The following DNAH14 variants were observed in gnomAD, a reference collection of about 807,000 sequenced individuals.
The protein encoded by DNAH14 is dynein axonemal heavy chain 14, also known as axonemal beta dynein heavy chain 14.
Under a neutral mutation model 520.9 loss-of-function variants are expected in DNAH14, and 478 were observed. That is an observed-to-expected ratio of 0.92 (90% CI 0.85 to 0.99). The LOEUF is 0.99. Ranked by LOEUF, DNAH14 falls within the 50% of genes least tolerant of loss-of-function variation. The probability of loss-of-function intolerance (pLI) is 0.00; values close to 1 mark genes in which losing one functional copy is unlikely to be tolerated. For synonymous variants in DNAH14, 1,581 were observed against 1,757.2 expected, an observed-to-expected ratio of 0.90 and a Z score of 2.51; for missense variants, 4,831 against 5,234.5, an observed-to-expected ratio of 0.92 and a Z score of 2.38.
Position 225,274,194 on chromosome 1 carries a change from G to GT in DNAH14, c.8010+1071dup, listed in dbSNP as rs1193834939. On this transcript the variant is annotated intron_variant, in intron 52 of 85. Coordinates refer to ENST00000682510, the MANE Select transcript of DNAH14 (RefSeq NM_001367479.1). ...TTTCTCTGCATCCTCACCAGCATCTGTTATTTTTTTTTTTTTTTTTTTTTT... is the reference window on the plus strand; with the variant it reads ...TTTCTCTGCATCCTCACCAGCATCTGTTTATTTTTTTTTTTTTTTTTTTTTT... Among the ~76,000 whole-genome samples, 313 of 120,268 alleles carry GT rather than the reference G, an allele frequency of 2.6e-3. 25 individuals are homozygous for GT. The highest frequency in any genetic ancestry group is 9.1e-3 in the African/African-American group (267 of 29,402). 78.9% of individuals were successfully genotyped at this position (120,268 alleles called of 152,430 possible).
At chr1:224,998,906 C>G (rs2489323) in intron 8 of DNAH14, among the ~76,000 whole-genome samples, 13,967 of 151,880 alleles carry the variant, frequency 0.092, 2,072 homozygotes, top group African/African-American at 0.31. Context: ...TTCAGTTCAG[C>G]TTTTGTTTGA....
chr1:225,101,117 G>T (rs1012102235), intron 23 of DNAH14, among the ~76,000 whole-genome samples: 2 of 151,264 alleles, frequency 1.3e-5, no homozygotes, highest in African/African-American at 4.8e-5. Context: ...GAGTGCCCAG[G>T]TTCCCTTACC....
chr1:225,230,384 T>C (rs1221237143), intron 41 of DNAH14, among the ~76,000 whole-genome samples: 3 of 152,164 alleles, frequency 2.0e-5, no homozygotes, highest in Non-Finnish European at 4.4e-5. Context: ...TATATCTTTA[T>C]ATAAAAACCC....
chr1:225,213,847 C>T (rs976686087), intron 41 of DNAH14, among the ~76,000 whole-genome samples: 1 of 152,162 alleles, frequency 6.6e-6, no homozygotes, highest in Non-Finnish European at 1.5e-5. Context: ...CTCATGTCAT[C>T]TGCAAACAGG....
At chr1:225,370,734 TATTAGCTGGAGTA>T (rs2095609330) in intron 77 of DNAH14, among the ~76,000 whole-genome samples, 1 of 152,070 alleles carries the variant, frequency 6.6e-6, no homozygotes, top group Non-Finnish European at 1.5e-5. Context: ...AGGAATTCTT[TATTAGCTGGAGTA>T]ATAATACAAA....
intron 9 of DNAH14, among the ~76,000 whole-genome samples, chr1:225,004,135 G>T: frequency 6.6e-6 from 1 of 152,164 alleles, no homozygotes; most frequent in Non-Finnish European, 1.5e-5. Flanking sequence ...TATTATATGC[G>T]AAATGCTGTG....
At chr1:225,147,668 A>G (rs1002776698) in intron 31 of DNAH14, among the ~76,000 whole-genome samples, 1 of 152,198 alleles carries the variant, frequency 6.6e-6, no homozygotes, top group African/African-American at 2.4e-5. Context: ...TCAGGGGCAC[A>G]TGTGCAGATT....
At chr1:225,396,106 G>A (rs1206905782) in intron 84 of DNAH14, 4 of 152,220 alleles carry the variant, frequency 2.6e-5, no homozygotes, top group Non-Finnish European at 4.4e-5. Context: ...TGATGGTGGC[G>A]TGTCCTTTTA....
intron 46 of DNAH14, among the ~76,000 whole-genome samples, chr1:225,261,827 A>G (rs2092946176): frequency 6.6e-6 from 1 of 152,044 alleles, no homozygotes; most frequent in Admixed American, 6.5e-5. Context: ...ATGATTGGCC[A>G]TTCCTATTTT....
chr1:225,030,219 AAC>A (rs1231679896), intron 11 of DNAH14, among the ~76,000 whole-genome samples: 2 of 151,908 alleles, frequency 1.3e-5, no homozygotes, highest in African/African-American at 4.8e-5. Flanking sequence ...TGAAAATGAA[AAC>A]ACAACATAAC....
rs1340598043 is a variant in DNAH14, at chr1:225,333,305, A to T, written c.9879A>T (p.Glu3293Asp). ...VLEDEKTRWQ[E>D]TINQIDNKLE... ...TTAACATTTAGACTCGATGGCAAGAAACAATCAATCAAATAGATAACAAAT... is the reference window on the plus strand; with the variant it reads ...TTAACATTTAGACTCGATGGCAAGATACAATCAATCAAATAGATAACAAAT... The change falls in exon 66 of 86, where the codon GAA becomes GAT. Residue 3293 changes from glutamate to aspartate, a missense_variant. Transcript: ENST00000682510. 6.4e-7 allele frequency: 1 copy of T among 1,551,148 alleles called. No individual in the cohort carries two copies.
chr1:224,939,075 G>C (rs921738327), intron 1 of DNAH14, among the ~76,000 whole-genome samples: 2 of 152,060 alleles, frequency 1.3e-5, no homozygotes, highest in African/African-American at 4.8e-5. Context: ...TATTACCACT[G>C]AACTATACAT....
intron 49 of DNAH14, among the ~76,000 whole-genome samples, chr1:225,269,647 A>G (rs1298460649): frequency 6.6e-6 from 1 of 152,138 alleles, no homozygotes; most frequent in Non-Finnish European, 1.5e-5. Flanking sequence ...AAATCAAACA[A>G]CTCCATCAAA....
At chr1:225,320,854 A>G (rs778853056) in intron 61 of DNAH14, among the ~76,000 whole-genome samples, 2 of 152,246 alleles carry the variant, frequency 1.3e-5, no homozygotes, top group Non-Finnish European at 2.9e-5. Context: ...ATTCCTGGAA[A>G]GTGGCACAGA....
intron 77 of DNAH14, among the ~76,000 whole-genome samples, chr1:225,374,265 TATA>T (rs1291781629): frequency 0.023 from 2,017 of 87,274 alleles, 82 homozygotes; most frequent in East Asian, 0.037. Flanking sequence ...TATATATATA[TATA>T]TATTTTTTTT....
chr1:225,079,672 C>CTTTTTTTTTTTTTTTT (rs58242386), intron 18 of DNAH14, 124 bp downstream of exon 18: 2 of 305,384 alleles, frequency 6.5e-6, no homozygotes, highest in African/African-American at 3.0e-5. Context: ...TACAAGTATT[C>CTTTTTTTTTTTTTTTT]TTTTTTTTTT....
intron 8 of DNAH14, among the ~76,000 whole-genome samples, chr1:224,978,289 A>G (rs1389352532): frequency 6.6e-6 from 1 of 152,226 alleles, no homozygotes; most frequent in African/African-American, 2.4e-5. Context: ...AATGAAGACA[A>G]TGTATATATA....
intron 8 of DNAH14, among the ~76,000 whole-genome samples, chr1:224,992,482 T>C (rs1252098541): frequency 2.6e-5 from 4 of 152,030 alleles, no homozygotes; most frequent in African/African-American, 9.7e-5. Context: ...TGTGTGGCTA[T>C]TTAAATGCAG....
chr1:225,176,436 G>A (rs1354862518), intron 36 of DNAH14, among the ~76,000 whole-genome samples: 1 of 152,036 alleles, frequency 6.6e-6, no homozygotes, highest in Admixed American at 6.6e-5. Flanking sequence ...ATCTGTTGGG[G>A]GAAATATTCT....
Sources: allele counts gnomAD v4.1 joint callset (sites outside exome capture counted in the v4.1 genomes callset), GRCh38; gene constraint gnomAD v4.1.1; transcripts MANE v1.5; gene names NCBI Gene and HGNC (gene_info 2026-07-23, HGNC 2026-07-21).